The following TRMT11 variants were observed in gnomAD, a reference collection of about 807,000 sequenced individuals.
The protein encoded by TRMT11 is tRNA (guanine(10)-N(2))-methyltransferase TRMT11.
In TRMT11, 53 loss-of-function variants were observed where a neutral mutation model predicts 62.8. The observed-to-expected ratio is 0.84, with a 90% confidence interval of 0.68 to 1.06. TRMT11 has a LOEUF of 1.06. Among genes scored for constraint, TRMT11 ranks in the 50% least tolerant of loss-of-function variants. The probability of loss-of-function intolerance (pLI) is 0.00; values close to 1 mark genes in which losing one functional copy is unlikely to be tolerated. For synonymous variants in TRMT11, 188 were observed against 190.3 expected (o/e 0.99, Z 0.10); for missense variants, 556 against 553.4 (o/e 1.00, Z -0.05).
chr6:126,245,516 A>T, the TRMT11 span, among the ~76,000 whole-genome samples: 1 of 152,274 alleles, frequency 6.6e-6, no homozygotes, highest in African/African-American at 2.4e-5. Context: ...GTCAAAACAA[A>T]GGTCAGACTG....
the TRMT11 span, among the ~76,000 whole-genome samples, chr6:126,253,988 G>A: frequency 2.0e-5 from 3 of 152,142 alleles, no homozygotes; most frequent in African/African-American, 4.8e-5. Flanking sequence ...TATTTCTCAG[G>A]TCAAACAGTC....
In TRMT11 at chr6:126,064,565, TA is replaced by T. The variant is rs796922288; in HGVS notation, c.*1437+11385del. Among the ~76,000 whole-genome samples the T allele has an allele frequency of 2.2e-3, 324 of 146,602 alleles. 1 individual carries two copies. The highest frequency in any genetic ancestry group is 7.3e-3 in the African/African-American group (293 of 39,952). On this transcript the variant is annotated intron_variant and NMD_transcript_variant, in intron 17 of 22. Transcript: ENST00000648977. ...GGAAAAAATTAATTTGCCTCCAAGA[TA>T]AAAAAAAAAGTCACCACGAAAGATT...
chr6:126,095,384 A>G (rs1326751400), intron 17 of TRMT11, among the ~76,000 whole-genome samples: 1 of 152,212 alleles, frequency 6.6e-6, no homozygotes, highest in Non-Finnish European at 1.5e-5. Context: ...AGTCTAAGGG[A>G]GAGGGAGCCA....
chr6:126,094,928 A>C (rs925143489), intron 17 of TRMT11, among the ~76,000 whole-genome samples: 9 of 152,218 alleles, frequency 5.9e-5, no homozygotes, highest in Admixed American at 3.3e-4. Flanking sequence ...TGAAATAATG[A>C]AAGAAGCCGG....
the TRMT11 span, among the ~76,000 whole-genome samples, chr6:126,233,405 G>A: frequency 1.3e-3 from 192 of 152,160 alleles, no homozygotes; most frequent in African/African-American, 4.2e-3. Context: ...GGGTGTTGCC[G>A]CATTTACATT....
intron 21 of TRMT11, among the ~76,000 whole-genome samples, chr6:126,131,968 G>A (rs1441418287): frequency 4.6e-5 from 7 of 151,914 alleles, no homozygotes; most frequent in Non-Finnish European, 8.8e-5. Flanking sequence ...TAATGACTAG[G>A]GTCATTTATT....
At chr6:126,129,794 A>G (rs1777760318) in intron 21 of TRMT11, among the ~76,000 whole-genome samples, 1 of 152,128 alleles carries the variant, frequency 6.6e-6, no homozygotes, top group African/African-American at 2.4e-5. Context: ...TGTTCTCAGA[A>G]TATCTCTGAT....
At chr6:126,146,525 T>C (rs1777977024) in intron 21 of TRMT11, among the ~76,000 whole-genome samples, 1 of 152,134 alleles carries the variant, frequency 6.6e-6, no homozygotes, top group Non-Finnish European at 1.5e-5. Flanking sequence ...GAAATTTTTT[T>C]TTTTTTTTTG....
chr6:126,061,369 T>C (rs192249633), intron 17 of TRMT11, among the ~76,000 whole-genome samples: 5 of 152,338 alleles, frequency 3.3e-5, no homozygotes, highest in East Asian at 1.9e-4. Flanking sequence ...GTCATTAATA[T>C]AGTTCTTAAA....
chr6:126,033,727 C>T (rs1774653952), intron 12 of TRMT11, among the ~76,000 whole-genome samples: 1 of 152,152 alleles, frequency 6.6e-6, no homozygotes, highest in Non-Finnish European at 1.5e-5. Flanking sequence ...CAAAACGGTG[C>T]TCCTGGCAGA....
chr6:126,073,922 G>C (rs1776933928), intron 17 of TRMT11, among the ~76,000 whole-genome samples: 1 of 152,142 alleles, frequency 6.6e-6, no homozygotes, highest in African/African-American at 2.4e-5. Context: ...CATGGCAGCA[G>C]CAAGGAGAAG....
the TRMT11 span, among the ~76,000 whole-genome samples, chr6:126,261,147 G>C: frequency 6.6e-6 from 1 of 152,026 alleles, no homozygotes; most frequent in Non-Finnish European, 1.5e-5. Flanking sequence ...TGTCCCTTCT[G>C]AGTTATTTCA....
At position 126,038,018 on chromosome 6, in the gene TRMT11, T is replaced by G. The variant is rs144197467; in HGVS notation, c.1261-687T>G. Reference sequence around the variant, plus strand: ...CACAGTTGGATGAGAAGCCAGTGTTTCAGTGTTTCCTGCCAGGAACCTCAA... The same window carrying G: ...CACAGTTGGATGAGAAGCCAGTGTTGCAGTGTTTCCTGCCAGGAACCTCAA... On this transcript the variant is annotated intron_variant, in intron 12 of 12. Transcript: ENST00000334379. 8.3e-3 allele frequency among the ~76,000 whole-genome samples: 1,260 copies of G among 152,174 alleles called. 7 individuals carry two copies. Among genetic ancestry groups the G allele is most frequent in the Middle Eastern group, 0.017 (5 of 294 alleles).
At chr6:126,270,980 G>T in the TRMT11 span, among the ~76,000 whole-genome samples, 7 of 152,192 alleles carry the variant, frequency 4.6e-5, no homozygotes, top group Admixed American at 4.6e-4. Context: ...TATAAAGCAA[G>T]TATTTGTGAA....
chr6:126,192,599 G>C (rs575047745), intron 1 of TRMT11, among the ~76,000 whole-genome samples: 3 of 152,024 alleles, frequency 2.0e-5, no homozygotes, highest in Non-Finnish European at 4.4e-5. Flanking sequence ...GGCTTTCATT[G>C]GGTTGAGGTA....
At chr6:126,029,462 G>C (rs1012099404) in intron 12 of TRMT11, among the ~76,000 whole-genome samples, 3 of 151,838 alleles carry the variant, frequency 2.0e-5, no homozygotes, top group Non-Finnish European at 4.4e-5. Context: ...CTTTTCTTTT[G>C]TAATATTACC....
chr6:126,231,179 T>C, the TRMT11 span, among the ~76,000 whole-genome samples: 2 of 152,314 alleles, frequency 1.3e-5, no homozygotes, highest in African/African-American at 4.8e-5. Context: ...CTACTTGACA[T>C]TTTTTGAGAG....
chr6:126,026,472 G>T (rs184284424), intron 12 of TRMT11, among the ~76,000 whole-genome samples: 21 of 151,848 alleles, frequency 1.4e-4, no homozygotes, highest in African/African-American at 4.8e-4. Context: ...TGCAACCTCC[G>T]CCTTCTGGGT....
chr6:126,176,231 C>T (rs1170322501), upstream of TRMT11, among the ~76,000 whole-genome samples: 1 of 152,188 alleles, frequency 6.6e-6, no homozygotes, highest in East Asian at 1.9e-4. Flanking sequence ...CTGAGCTGGC[C>T]AGCCCTGTAA....
Sources: gnomAD v4.1 joint callset for allele counts (sites outside exome capture counted in the v4.1 genomes callset) on GRCh38, gnomAD v4.1.1 for gene constraint, MANE v1.5 for transcripts, NCBI Gene and HGNC (gene_info 2026-07-23, HGNC 2026-07-21) for gene names.